Variants in EFR3B observed in about 807,000 individuals in gnomAD.
EFR3B encodes the protein protein EFR3 homolog B.
EFR3B carries 64 observed loss-of-function variants against 104.7 expected under a neutral mutation model. That is an observed-to-expected ratio of 0.61 (90% confidence interval 0.50 to 0.75). The LOEUF (loss-of-function observed/expected upper bound fraction) is 0.75. Ranked by LOEUF, EFR3B falls within the 30% of genes least tolerant of loss-of-function variation. The pLI, the probability that EFR3B is intolerant of heterozygous loss-of-function variation, is 0.00. For missense variants in EFR3B, 750 were observed against 1,078.5 expected (o/e 0.70, Z 4.27); for synonymous variants, 385 against 417.9 (o/e 0.92, Z 0.96).
At chr2:25,124,470 T>C (rs1670109144) in intron 5 of EFR3B, among the ~76,000 whole-genome samples, 1 of 152,062 alleles carries the variant, frequency 6.6e-6, no homozygotes, top group Admixed American at 6.6e-5. Flanking sequence ...CTCACGCCTG[T>C]AATCCCAGCA....
chr2:25,072,161 C>T (rs1303669079), intron 1 of EFR3B, among the ~76,000 whole-genome samples: 2 of 152,228 alleles, frequency 1.3e-5, no homozygotes, highest in Admixed American at 1.3e-4. Context: ...AGGCTCTCAG[C>T]TTCTCCCTCT....
intron 1 of EFR3B, among the ~76,000 whole-genome samples, chr2:25,053,058 G>C (rs1667924526): frequency 1.3e-5 from 2 of 152,174 alleles, no homozygotes; most frequent in Non-Finnish European, 2.9e-5. Context: ...ACTGTCCCTA[G>C]AACATTCTGA....
In EFR3B at chr2:25,091,639, C is replaced by T. The variant is rs571497045; in HGVS notation, c.84+238C>T. 5.9e-5 allele frequency among the ~76,000 whole-genome samples: 9 copies of T among 152,300 alleles called. No homozygotes were observed. In the East Asian group the frequency reaches 1.5e-3, roughly 26 times the overall value. On this transcript the variant is annotated intron_variant, in intron 2 of 22. Transcript: ENST00000403714. ...GATCTGCAGAAGGCAGCTGGAAGTG[C>T]GTCTTGGCATGCTTGTGGCCATCAC...
At chr2:25,091,231 T>G in intron 1 of EFR3B, 94 bp from the exon 2 acceptor site, 1 of 1,198,686 alleles carries the variant, frequency 8.3e-7, no homozygotes, top group Non-Finnish European at 1.2e-6. Context: ...CCTGTCTGTT[T>G]CCTGCCACTC....
At position 25,079,034 on chromosome 2, in the gene EFR3B, A is replaced by C. The variant is rs1668714754; in HGVS notation, c.8-12291A>C. Among the ~76,000 whole-genome samples the C allele has an allele frequency of 3.3e-5, 5 of 152,166 alleles. No homozygotes were observed. The South Asian group carries it at 1.0e-3, about 32-fold the overall frequency. On this transcript the variant is annotated intron_variant, in intron 1 of 22. Transcript: ENST00000403714. The stretch of plus-strand genomic sequence containing the variant: ...GCTGCTAGACACAGAGTGTTCCAGG[A>C]GGCAGAGCATGAGTGAGAGGACCCC...
intron 2 of EFR3B, among the ~76,000 whole-genome samples, chr2:25,091,701 T>C (rs1669129236): frequency 1.3e-5 from 2 of 152,248 alleles, no homozygotes; most frequent in Admixed American, 1.3e-4. Flanking sequence ...CATGTCTCTC[T>C]GTGTGATTGC....
chr2:25,121,127 C>T (rs558411974), intron 4 of EFR3B, among the ~76,000 whole-genome samples: 2 of 152,280 alleles, frequency 1.3e-5, no homozygotes, highest in South Asian at 4.2e-4. Context: ...GTCTCGAACT[C>T]CTGACCTCAA....
chr2:25,118,769 G>A lies in EFR3B; in HGVS notation c.364-2904G>A, dbSNP rs1012007207. Among the ~76,000 whole-genome samples, 51 of 147,726 alleles carry A rather than the reference G, an allele frequency of 3.5e-4. 1 individual carries two copies. The highest frequency in any genetic ancestry group is 9.7e-4 in the African/African-American group (39 of 40,032). ...AAAAAAAAAAAAAAAGGCAGGGCGT[G>A]GTGGTTCACACCTGTAATCCCAGCA... On this transcript the variant is annotated intron_variant, in intron 4 of 22. Coordinates refer to ENST00000403714, the MANE Select transcript of EFR3B (RefSeq NM_014971.2).
chr2:25,070,415 C>A (rs1023845366), intron 1 of EFR3B, among the ~76,000 whole-genome samples: 2 of 152,096 alleles, frequency 1.3e-5, no homozygotes, highest in Non-Finnish European at 2.9e-5. Flanking sequence ...GTGCATGCCA[C>A]CACGCCCGGC....
rs1670666738 is a variant in EFR3B at position 25,141,557 on chromosome 2, G to T, written c.1922+124G>T. The T allele has an allele frequency of 6.1e-6, 6 of 984,454 alleles. No homozygotes were observed. The South Asian group carries it at 1.0e-4, about 17-fold the overall frequency. The allele number at this position is 984,454 out of a possible 1,614,324, so 61.0% of individuals were successfully genotyped here. ...GACTTCTGTGGACTCAAGGGCAGAA[G>T]GTGGGCTCTGCCTGTGGTCCAGGAG... On this transcript the variant is annotated intron_variant, in intron 17 of 22. Coordinates refer to ENST00000403714, the MANE Select transcript of EFR3B (RefSeq NM_014971.2).
Position 25,044,736 on chromosome 2 carries a change from C to T in EFR3B, c.7+2417C>T, listed in dbSNP as rs117148199. Among the ~76,000 whole-genome samples, 218 of 152,300 alleles carry T rather than the reference C, an allele frequency of 1.4e-3. 1 individual carries two copies. The East Asian group carries it at 0.026, about 18-fold the overall frequency. Reference sequence around the variant, plus strand: ...GTAAAGGTGTACCTTGTCCACCCACCTTGGTGACTTGTGCCACTATAAATT... The same window carrying T: ...GTAAAGGTGTACCTTGTCCACCCACTTTGGTGACTTGTGCCACTATAAATT... On this transcript the variant is annotated intron_variant, in intron 1 of 22. Coordinates refer to ENST00000403714, the MANE Select transcript of EFR3B (RefSeq NM_014971.2).
At chr2:25,059,581 G>GGC (rs1553385066) in intron 1 of EFR3B, among the ~76,000 whole-genome samples, 4 of 140,002 alleles carry the variant, frequency 2.9e-5, no homozygotes, top group East Asian at 4.3e-4. Flanking sequence ...GCGGGGGGGG[G>GGC]GGGGGTGGAG....
At chr2:25,052,659 T>C (rs1377799164) in intron 1 of EFR3B, among the ~76,000 whole-genome samples, 2 of 152,074 alleles carry the variant, frequency 1.3e-5, no homozygotes, top group South Asian at 2.1e-4. Context: ...TGTGCCACCA[T>C]GCCCGGCTAA....
chr2:25,054,055 C>T (rs1667954679), intron 1 of EFR3B, among the ~76,000 whole-genome samples: 1 of 152,220 alleles, frequency 6.6e-6, no homozygotes. Context: ...TATCCCTAGA[C>T]AGCAAAGCTG....
At chr2:25,083,869 C>G (rs1668876532) in intron 1 of EFR3B, among the ~76,000 whole-genome samples, 2 of 152,186 alleles carry the variant, frequency 1.3e-5, no homozygotes, top group South Asian at 4.1e-4. Flanking sequence ...AGAGTCTAAT[C>G]AGAGCTTGCA....
rs997155984 is a variant in EFR3B, at chr2:25,042,738, G to A, written c.7+419G>A. ...GAGACGCCCGCGGCCGGTCGTCTGC[G>A]CGGCTCGGAGAAGGCGGGAGGCGGC... On this transcript the variant is annotated intron_variant, in intron 1 of 22. Transcript: ENST00000403714. The surrounding 1 kb of genome is among the most constrained non-coding windows in gnomAD (Gnocchi z 5.4). 2.6e-5 allele frequency: 26 copies of A among 982,112 alleles called. No individual in the cohort carries two copies. The highest frequency in any genetic ancestry group is 1.2e-4 in the Admixed American group (2 of 16,442). 60.8% of individuals were successfully genotyped at this position (982,112 alleles called of 1,614,324 possible).
At chr2:25,080,148 G>T in intron 1 of EFR3B, 1 of 1,293,570 alleles carries the variant, frequency 7.7e-7, no homozygotes, top group Non-Finnish European at 1.1e-6. Context: ...CACAGTGCAT[G>T]ATTCTTCAAA....
chr2:25,122,456 T>TA (rs938739685), intron 5 of EFR3B, among the ~76,000 whole-genome samples: 16 of 151,310 alleles, frequency 1.1e-4, no homozygotes, highest in African/African-American at 3.6e-4. Context: ...CACTCACCAT[T>TA]AACCATCAAA....
intron 1 of EFR3B, chr2:25,079,827 C>T: frequency 2.7e-6 from 2 of 740,346 alleles, no homozygotes; most frequent in South Asian, 1.4e-5. Flanking sequence ...CCAAAAAGAA[C>T]AATAACACAG....
Sources: gnomAD v4.1 joint callset for allele counts (sites outside exome capture counted in the v4.1 genomes callset) on GRCh38, gnomAD v4.1.1 for gene constraint, Gnocchi (gnomAD v3.1) non-coding constraint, MANE v1.5 for transcripts, NCBI Gene and HGNC (gene_info 2026-07-23, HGNC 2026-07-21) for gene names.